SLC34A3: variants seen among roughly 807,000 people sequenced by gnomAD.
SLC34A3 encodes sodium-dependent phosphate transport protein 2C.
Under a neutral mutation model 43.9 loss-of-function variants are expected in SLC34A3, and 60 were observed. That is an observed-to-expected ratio of 1.37 (90% CI 1.11 to 1.70). The LOEUF is 1.70. SLC34A3 is among the 40% of genes most tolerant of loss of function. SLC34A3 has a pLI of 0.00. For missense variants in SLC34A3, 969 were observed against 823.8 expected, an observed-to-expected ratio of 1.18 and a Z score of -2.16; for synonymous variants, 451 against 386.2, an observed-to-expected ratio of 1.17 and a Z score of -1.97.
Position 137,234,102 on chromosome 9 carries a change from C to CAA in SLC34A3, c.926-7_926-6insAA. ...CTCCCCCTCACCTGCCCCTGCCCTGCCCCCAGGCCGCCACCTGTTTGCGGG... is the reference window on the plus strand; with the variant it reads ...CTCCCCCTCACCTGCCCCTGCCCTGCAACCCCAGGCCGCCACCTGTTTGCGGG... On this transcript the variant is annotated splice_region_variant and splice_polypyrimidine_tract_variant and intron_variant, in intron 9 of 12. Transcript: ENST00000673835. The surrounding 1 kb of genome is among the most constrained non-coding windows in gnomAD (Gnocchi z 6.9). 5.8e-6 allele frequency: 9 copies of CAA among 1,560,294 alleles called. No individual in the cohort carries two copies. Among genetic ancestry groups the CAA allele is most frequent in the Non-Finnish European group, 7.8e-6 (9 of 1,160,082 alleles).
At chr9:137,230,533 C>T (rs970024197), upstream of SLC34A3, among the ~76,000 whole-genome samples, 3 of 152,186 alleles carry the variant, frequency 2.0e-5, no homozygotes, top group Non-Finnish European at 4.4e-5. Flanking sequence ...GGGGGACTGG[C>T]GTCTCTCGAC....
At position 137,234,357 on chromosome 9, in the gene SLC34A3, G is replaced by A. The variant is rs890746190; in HGVS notation, c.1094-59G>A. ...CTTCCCCTTCCCACCAGGCTGACTC[G>A]GGGGCTACCTGGCCCTCCTTGTGGG... is the stretch of plus-strand genomic sequence containing the variant. On this transcript the variant is annotated intron_variant, in intron 10 of 12. Transcript: ENST00000673835. This position sits in a 1 kb window ranked among gnomAD's most constrained non-coding sequence, Gnocchi z 6.9. The A allele has an allele frequency of 2.0e-5, 32 of 1,598,948 alleles. No individual in the cohort carries two copies. The highest frequency in any genetic ancestry group is 4.5e-5 in the East Asian group (2 of 44,826).
At chr9:137,231,974 C>A in intron 2 of SLC34A3, 98 bp from the exon 3 acceptor site, 2 of 1,254,574 alleles carry the variant, frequency 1.6e-6, no homozygotes, top group Non-Finnish European at 2.3e-6. Context: ...TCACTCCAGG[C>A]CTCTTACGCC....
Position 137,234,639 on chromosome 9 carries a change from C to G in SLC34A3, c.1243C>G (p.Pro415Ala), listed in dbSNP as rs1295980087. Residue 415 changes from proline (P) to alanine (A), a missense_variant, in exon 12 of 13, where the codon CCC becomes GCC. Coordinates refer to ENST00000673835, the MANE Select transcript of SLC34A3 (RefSeq NM_001177316.2). This position sits in a 1 kb window ranked among gnomAD's most constrained non-coding sequence, Gnocchi z 6.9. ...GGTGATCAGTCTGGACCGGGCGTAC[C>G]CCCTCTTACTGGGCTCCAACATCGG... is the stretch of plus-strand genomic sequence containing the variant. The part of the protein sequence containing the change: ...VGVISLDRAY[P>A]LLLGSNIGTT... 1 of 1,612,354 alleles carries G rather than the reference C, an allele frequency of 6.2e-7. No homozygotes were observed. The highest frequency in any genetic ancestry group is 8.5e-7 in the Non-Finnish European group (1 of 1,179,874).
intron 3 of SLC34A3, 104 bp from the exon 4 acceptor site, chr9:137,232,471 C>T: frequency 6.7e-7 from 1 of 1,497,396 alleles, no homozygotes; most frequent in Non-Finnish European, 9.1e-7. Context: ...TGGGACCCAG[C>T]CCTGTTGGAG....
At position 137,232,990 on chromosome 9, in the gene SLC34A3, C is replaced by G. The variant is rs545767491; in HGVS notation, c.449-14C>G. The stretch of plus-strand genomic sequence containing the variant: ...AGGGTGGGCCGCAGGCTGACTCAGC[C>G]CCCCCACCAGCAGTGCTGACTGTCC... On this transcript the variant is annotated splice_polypyrimidine_tract_variant and intron_variant, in intron 5 of 12. Coordinates refer to ENST00000673835, the MANE Select transcript of SLC34A3 (RefSeq NM_001177316.2). The G allele has an allele frequency of 3.3e-5, 53 of 1,610,308 alleles. 1 individual carries two copies. The highest frequency in any genetic ancestry group is 3.1e-4 in the South Asian group (28 of 90,772).
At position 137,234,510 on chromosome 9, in the gene SLC34A3, G is replaced by C. The variant is rs141417134; in HGVS notation, c.1188G>C (p.Thr396=). The change falls in exon 11 of 13, where the codon ACG becomes ACC. Residue 396 remains threonine (T), a synonymous_variant. Coordinates refer to ENST00000673835, the MANE Select transcript of SLC34A3 (RefSeq NM_001177316.2). This position sits in a 1 kb window ranked among gnomAD's most constrained non-coding sequence, Gnocchi z 6.9. ...TFALQSSSVF[T]AAVVPLMGVG... ...CACTGCAGAGCAGCAGCGTCTTCAC[G>C]GCGGCCGTCGTGCCCCTCATGGGTG... The C allele has an allele frequency of 3.1e-6, 5 of 1,604,676 alleles. No individual in the cohort carries two copies. Among genetic ancestry groups the C allele is most frequent in the South Asian group, 2.2e-5 (2 of 90,956 alleles).
In SLC34A3 at chr9:137,233,398, C is replaced by T. The variant is rs374715670; in HGVS notation, c.750C>T (p.Ile250=). ...TGACGAAGCCGCTCACACACCTCAT[C>T]GTGCAGGTGAGGACGGCCACCGCCC... ...KVLTKPLTHL[I]VQLDSDMIMS... Residue 250 remains isoleucine, a synonymous_variant, in exon 7 of 13, where the codon ATC becomes ATT. Coordinates refer to ENST00000673835, the MANE Select transcript of SLC34A3 (RefSeq NM_001177316.2). 134 of 1,603,246 alleles carry T rather than the reference C, an allele frequency of 8.4e-5. No individual in the cohort carries two copies. The highest frequency in any genetic ancestry group is 1.3e-4 in the East Asian group (6 of 44,506).
At chr9:137,233,547 G>A (rs1836374003) in intron 7 of SLC34A3, 86 bp from the exon 8 acceptor site, 5 of 1,557,326 alleles carry the variant, frequency 3.2e-6, no homozygotes, top group Admixed American at 3.3e-5. Flanking sequence ...AGTGGGCAGG[G>A]CTGGGCTGGA....
rs760129229 is a variant in SLC34A3, at chr9:137,234,231, C to T, written c.1048C>T (p.Leu350=). ...VLIVKLLNSV[L]RGRVAQVVRT... ...CATAGTCAAGCTGCTCAACTCTGTG[C>T]TGCGCGGCCGCGTGGCCCAGGTCGT... The change falls in exon 10 of 13, where the codon CTG becomes TTG. Residue 350 remains leucine, a synonymous_variant. Transcript: ENST00000673835. This position sits in a 1 kb window ranked among gnomAD's most constrained non-coding sequence, Gnocchi z 6.9. 4.3e-6 allele frequency: 7 copies of T among 1,609,718 alleles called. No homozygotes were observed. Among genetic ancestry groups the T allele is most frequent in the African/African-American group, 2.7e-5 (2 of 74,876 alleles).
chr9:137,233,581 G>C (rs1027340455), intron 7 of SLC34A3, 52 bp from the exon 8 acceptor site: 2 of 1,589,882 alleles, frequency 1.3e-6, no homozygotes, highest in Non-Finnish European at 8.6e-7. Context: ...AGAGCCCCGG[G>C]TGAGTCCTGA....
At position 137,234,501 on chromosome 9, in the gene SLC34A3, C is replaced by A. The variant is rs200677629; in HGVS notation, c.1179C>A (p.Ser393Arg). ...AGLTFALQSS[S>R]VFTAAVVPLM... is the part of the protein sequence containing the mutation. ...TGACCTTCGCACTGCAGAGCAGCAG[C>A]GTCTTCACGGCGGCCGTCGTGCCCC... The change falls in exon 11 of 13, where the codon AGC (serine) becomes AGA (arginine). Residue 393 changes from serine to arginine, a missense_variant. By Grantham distance (110) the Ser-to-Arg change is moderately radical. Transcript: ENST00000673835. The surrounding 1 kb of genome is among the most constrained non-coding windows in gnomAD (Gnocchi z 6.9). 6.2e-7 allele frequency: 1 copy of A among 1,604,730 alleles called. No homozygotes were observed. Among genetic ancestry groups the A allele is most frequent in the Non-Finnish European group, 8.5e-7 (1 of 1,178,722 alleles).
In SLC34A3 at chr9:137,233,414, G is replaced by A. The variant is rs1478499715; in HGVS notation, c.756+10G>A. The A allele has an allele frequency of 4.4e-6, 7 of 1,597,336 alleles. No homozygotes were observed. The highest frequency in any genetic ancestry group is 4.5e-5 in the East Asian group (2 of 44,098). On this transcript the variant is annotated intron_variant, in intron 7 of 12. Coordinates refer to ENST00000673835, the MANE Select transcript of SLC34A3 (RefSeq NM_001177316.2). ...ACACCTCATCGTGCAGGTGAGGACG[G>A]CCACCGCCCCCGCCCAGAGAGCCTG...
At chr9:137,233,778 A>ACCCCCCCCCCCC in intron 8 of SLC34A3, 56 bp downstream of exon 8, 15 of 1,485,048 alleles carry the variant, frequency 1.0e-5, no homozygotes, top group Middle Eastern at 2.0e-4. Context: ...CTGCTGAGTC[A>ACCCCCCCCCCCC]TCCCGCCCCA....
At chr9:137,230,009 C>T (rs369278646), upstream of SLC34A3, among the ~76,000 whole-genome samples, 119 of 152,208 alleles carry the variant, frequency 7.8e-4, 1 homozygote, top group Admixed American at 5.2e-3. Flanking sequence ...ATTTGCTGAG[C>T]GGACACTCAG....
chr9:137,230,862 G>C (rs551070209), upstream of SLC34A3: 2 of 152,236 alleles, frequency 1.3e-5, no homozygotes, highest in African/African-American at 4.8e-5. Flanking sequence ...TCATGTGCGC[G>C]ATCAGGGGAT....
At position 137,234,582 on chromosome 9, in the gene SLC34A3, C is replaced by T. The variant is rs575812004; in HGVS notation, c.1211-25C>T. ...GGGAACGGGGGCTCGGGCTGGGGTC[C>T]TGTGGTGACTCCCAGTTCCCCCAGG... On this transcript the variant is annotated intron_variant, in intron 11 of 12. Coordinates refer to ENST00000673835, the MANE Select transcript of SLC34A3 (RefSeq NM_001177316.2). The surrounding 1 kb of genome is among the most constrained non-coding windows in gnomAD (Gnocchi z 6.9). 1.2e-6 allele frequency: 2 copies of T among 1,611,912 alleles called. No individual in the cohort carries two copies. Among genetic ancestry groups the T allele is most frequent in the East Asian group, 2.2e-5 (1 of 44,864 alleles).
At chr9:137,229,956 C>A (rs933631872), upstream of SLC34A3, among the ~76,000 whole-genome samples, 2 of 152,134 alleles carry the variant, frequency 1.3e-5, no homozygotes, top group African/African-American at 4.8e-5. Context: ...GGACTGCTGC[C>A]CCCCACCCCC....
chr9:137,234,446 G>A lies in SLC34A3; in HGVS notation c.1124G>A (p.Gly375Asp). The A allele has an allele frequency of 6.3e-7, 1 of 1,599,272 alleles. No individual in the cohort carries two copies. Among genetic ancestry groups the A allele is most frequent in the Non-Finnish European group, 8.5e-7 (1 of 1,179,290 alleles). The change falls in exon 11 of 13, where the codon GGC (glycine) becomes GAC (aspartate). Residue 375 changes from glycine to aspartate, a missense_variant. Gly to Asp is a moderately conservative substitution (Grantham distance 94, BLOSUM62 -1). Transcript: ENST00000673835. The surrounding 1 kb of genome is among the most constrained non-coding windows in gnomAD (Gnocchi z 6.9). ...DFPFPLGWLG[G>D]YLAVLAGAGL... The stretch of plus-strand genomic sequence containing the variant: ...CCCTTCCCGCTGGGCTGGCTCGGCG[G>A]CTACCTGGCCGTCCTCGCGGGCGCC...
Sources: gnomAD v4.1 joint callset for allele counts (sites outside exome capture counted in the v4.1 genomes callset) on GRCh38, gnomAD v4.1.1 for gene constraint, Gnocchi (gnomAD v3.1) non-coding constraint, MANE v1.5 for transcripts, NCBI Gene and HGNC (gene_info 2026-07-23, HGNC 2026-07-21) for gene names.